EEPD1: variants seen among roughly 807,000 people sequenced by gnomAD.
EEPD1 encodes the protein endonuclease/exonuclease/phosphatase family domain-containing protein 1.
In EEPD1, 17 loss-of-function variants were observed where a neutral mutation model predicts 46.3. The ratio of observed to expected loss-of-function variants is 0.37; its 90% confidence interval spans 0.25 to 0.55. The LOEUF is 0.55. EEPD1 is among the 20% of genes least tolerant of loss of function. EEPD1 has a pLI of 0.83. For synonymous variants in EEPD1, 313 were observed against 315.6 expected (o/e 0.99, Z 0.09); for missense variants, 673 against 745.6 (o/e 0.90, Z 1.13).
Position 36,258,977 on chromosome 7 carries a change from G to A in EEPD1, c.930+19941G>A, listed in dbSNP as rs140346706. Among the ~76,000 whole-genome samples, 651 of 152,224 alleles carry A rather than the reference G, an allele frequency of 4.3e-3. 2 individuals carry two copies. Among genetic ancestry groups the A allele is most frequent in the African/African-American group, 0.015 (619 of 41,528 alleles). On this transcript the variant is annotated intron_variant, in intron 3 of 7. Transcript: ENST00000242108. ...TGAAACCCAGGGCCCGGTGATGTAG[G>A]CACCTAAGGGAATCTCCTGGTCTGT...
chr7:36,185,387 T>A (rs1316952495), intron 2 of EEPD1, among the ~76,000 whole-genome samples: 4 of 152,226 alleles, frequency 2.6e-5, no homozygotes, highest in Admixed American at 2.6e-4. Flanking sequence ...ACAGTTTACT[T>A]ATTCATTCTG....
chr7:36,205,578 C>T (rs562056868), intron 2 of EEPD1, among the ~76,000 whole-genome samples: 1 of 152,250 alleles, frequency 6.6e-6, no homozygotes, highest in Non-Finnish European at 1.5e-5. Flanking sequence ...GTTTTGGGTC[C>T]CAGCGCTGCA....
intron 6 of EEPD1, among the ~76,000 whole-genome samples, chr7:36,292,389 C>A (rs1212048767): frequency 1.3e-5 from 2 of 150,744 alleles, no homozygotes; most frequent in African/African-American, 4.9e-5. Context: ...GTTTTCTTTT[C>A]TTTTCTTTCT....
At chr7:36,232,321 C>T (rs564737967) in intron 2 of EEPD1, among the ~76,000 whole-genome samples, 138 of 152,132 alleles carry the variant, frequency 9.1e-4, no homozygotes, top group Non-Finnish European at 1.7e-3. Context: ...TCTCCTGTCT[C>T]AGCCTCCCGA....
intron 3 of EEPD1, among the ~76,000 whole-genome samples, chr7:36,275,533 A>G (rs1425315254): frequency 6.6e-6 from 1 of 151,768 alleles, no homozygotes; most frequent in Non-Finnish European, 1.5e-5. Flanking sequence ...TGCAACCTCC[A>G]CCTCCCAGGT....
At chr7:36,295,397 TATACCTC>T (rs1286365162) in intron 6 of EEPD1, among the ~76,000 whole-genome samples, 3 of 152,150 alleles carry the variant, frequency 2.0e-5, no homozygotes, top group Middle Eastern at 3.2e-3. Flanking sequence ...ATACCTGACT[TATACCTC>T]ATAAGTATCC....
At chr7:36,273,129 T>TACACACAC (rs10578694) in intron 3 of EEPD1, among the ~76,000 whole-genome samples, 15,564 of 148,422 alleles carry the variant, frequency 0.1, 864 homozygotes, top group Admixed American at 0.17. Context: ...GGTGCATGCT[T>TACACACAC]ACACACACAC....
chr7:36,154,672 G>A lies in EEPD1; in HGVS notation c.348G>A (p.Arg116=). Residue 116 remains arginine, a synonymous_variant, in exon 2 of 8, where the codon CGG becomes CGA. Transcript: ENST00000242108. This position sits in a 1 kb window ranked among gnomAD's most constrained non-coding sequence, Gnocchi z 4.2. ...AGCACTCTCCCAGTTCCCTGCGGCG[G>A]GACCTGCTAGCGGAGCAGCAGCCTC... ...SAQHSPSSLR[R]DLLAEQQPHH... The A allele has an allele frequency of 6.2e-7, 1 of 1,613,580 alleles. No individual in the cohort carries two copies.
chr7:36,219,806 A>AGTGTGT (rs70977121), intron 2 of EEPD1, among the ~76,000 whole-genome samples: 1,512 of 75,400 alleles, frequency 0.02, 36 homozygotes, highest in African/African-American at 0.047. Flanking sequence ...AGAGAGAGAG[A>AGTGTGT]GTGTGTGTGT....
chr7:36,189,256 A>G (rs1241430402), intron 2 of EEPD1, among the ~76,000 whole-genome samples: 1 of 152,242 alleles, frequency 6.6e-6, no homozygotes, highest in Non-Finnish European at 1.5e-5. Flanking sequence ...TGGTTAATCC[A>G]ATTTGCAGAA....
intron 5 of EEPD1, among the ~76,000 whole-genome samples, chr7:36,286,906 C>T (rs1787349442): frequency 6.6e-6 from 1 of 152,090 alleles, no homozygotes; most frequent in African/African-American, 2.4e-5. Flanking sequence ...CTCAAGTGAT[C>T]CTCCCACCTC....
intron 2 of EEPD1, among the ~76,000 whole-genome samples, chr7:36,192,416 G>T (rs572847736): frequency 5.3e-4 from 81 of 152,148 alleles, no homozygotes; most frequent in Non-Finnish European, 6.0e-4. Flanking sequence ...AGTTCTGTCT[G>T]CCTGCTTCTC....
At chr7:36,228,983 G>A (rs1786275160) in intron 2 of EEPD1, 1 of 152,230 alleles carries the variant, frequency 6.6e-6, no homozygotes, top group African/African-American at 2.4e-5. Flanking sequence ...TTCTCCTCTT[G>A]GGCCTCCTCT....
intron 4 of EEPD1, among the ~76,000 whole-genome samples, chr7:36,283,223 G>C (rs954434411): frequency 1.9e-4 from 29 of 152,244 alleles, no homozygotes; most frequent in African/African-American, 7.0e-4. Context: ...CTGGAGGAGA[G>C]GGGAGCGCCT....
intron 5 of EEPD1, among the ~76,000 whole-genome samples, chr7:36,286,339 G>A (rs954023865): frequency 1.6e-4 from 25 of 152,202 alleles, no homozygotes; most frequent in Non-Finnish European, 2.9e-4. Flanking sequence ...TTCTCTAGCA[G>A]GCAGAGCTGC....
Position 36,153,666 on chromosome 7 carries a change from G to A in EEPD1, c.-201G>A, listed in dbSNP as rs1173693816. 6.6e-6 allele frequency: 1 copy of A among 152,486 alleles called. No individual in the cohort carries two copies. Among genetic ancestry groups the A allele is most frequent in the Non-Finnish European group, 1.5e-5 (1 of 68,290 alleles). The allele number at this position is 152,486 out of a possible 1,614,324, so 9.4% of individuals were successfully genotyped here. A position where few individuals can be genotyped will look rare whatever the true frequency, so the allele number is the denominator to read the frequency against. On this transcript the variant is annotated 5_prime_UTR_variant, in exon 1 of 8. Transcript: ENST00000242108. ...AAGAGGAACCGGCGCCCCGCAGAGC[G>A]GCCGAGAGGTGGGGCGCGGGGACCC...
intron 3 of EEPD1, among the ~76,000 whole-genome samples, chr7:36,262,903 T>C (rs944510586): frequency 6.6e-6 from 1 of 152,164 alleles, no homozygotes; most frequent in South Asian, 2.1e-4. Context: ...GAGACAGTTT[T>C]ACAACCGCCT....
chr7:36,274,375 C>T (rs1422923771), intron 3 of EEPD1, among the ~76,000 whole-genome samples: 1 of 152,214 alleles, frequency 6.6e-6, no homozygotes, highest in Non-Finnish European at 1.5e-5. Context: ...TATTTCTGCC[C>T]TGTAGGCCAT....
chr7:36,248,215 T>G (rs1017612542), intron 3 of EEPD1, among the ~76,000 whole-genome samples: 14 of 151,906 alleles, frequency 9.2e-5, no homozygotes, highest in Admixed American at 3.3e-4. Context: ...GATACTTTTT[T>G]TTTTTTTGAG....
Sources: allele counts gnomAD v4.1 joint callset (sites outside exome capture counted in the v4.1 genomes callset), GRCh38; gene constraint gnomAD v4.1.1; non-coding constraint Gnocchi (gnomAD v3.1); transcripts MANE v1.5; gene names NCBI Gene and HGNC (gene_info 2026-07-23, HGNC 2026-07-21).